Variants in IMPG2 observed in about 807,000 individuals in gnomAD.
IMPG2 encodes the protein interphotoreceptor matrix proteoglycan 2, also known as IPM 200.
A neutral mutation model predicts 129.2 loss-of-function variants in IMPG2; 91 were observed. That is an observed-to-expected ratio of 0.70 (90% confidence interval 0.59 to 0.84). IMPG2 has a LOEUF of 0.84. IMPG2 is among the 40% of genes least tolerant of loss of function. The pLI, the probability that IMPG2 is intolerant of heterozygous loss-of-function variation, is 0.00. For synonymous variants in IMPG2, 510 were observed against 517.7 expected, an observed-to-expected ratio of 0.99 and a Z score of 0.20; for missense variants, 1,430 against 1,461.7, an observed-to-expected ratio of 0.98 and a Z score of 0.35.
intron 2 of IMPG2, among the ~76,000 whole-genome samples, chr3:101,318,174 A>C (rs2058794796): frequency 1.4e-5 from 2 of 147,924 alleles, no homozygotes; most frequent in African/African-American, 4.9e-5. Context: ...TAATAATAAT[A>C]ATAATAATAA....
chr3:101,275,523 G>A (rs1576760124), intron 6 of IMPG2, 140 bp downstream of exon 6: 4 of 689,050 alleles, frequency 5.8e-6, no homozygotes, highest in Middle Eastern at 5.7e-4. Context: ...TGTTTTTAAT[G>A]TACTGGTTTT....
rs192068693 is a variant in IMPG2, at chr3:101,271,837, A to C, written c.828+1744T>G. On this transcript the variant is annotated intron_variant, in intron 7 of 18. Coordinates refer to ENST00000193391, the MANE Select transcript of IMPG2 (RefSeq NM_016247.4). ...CTGATTTTCATTTCTGTTCCTAGAG[A>C]GACTGAATGACAATGAACAAGTTAT... 1.4e-4 allele frequency among the ~76,000 whole-genome samples: 22 copies of C among 152,290 alleles called. 1 individual carries two copies. In the East Asian group the frequency reaches 4.3e-3, roughly 29 times the overall value.
At chr3:101,229,313 A>G in intron 17 of IMPG2, 67 bp downstream of exon 17, 1 of 401,344 alleles carries the variant, frequency 2.5e-6, no homozygotes, top group East Asian at 5.6e-5. Flanking sequence ...CCCACCCACC[A>G]CCCCCTGCTC....
rs570224864 is a variant in IMPG2 at position 101,296,660 on chromosome 3, T to A, written c.502-5150A>T. On this transcript the variant is annotated intron_variant, in intron 3 of 18. Coordinates refer to ENST00000193391, the MANE Select transcript of IMPG2 (RefSeq NM_016247.4). ...AATGGTACCAGCTCCTCTTTGTATC[T>A]CTGGTAGAATTCGGCTGTGAATCCA... Among the ~76,000 whole-genome samples the A allele has an allele frequency of 4.6e-5, 7 of 151,880 alleles. No individual in the cohort carries two copies. In the South Asian group the frequency reaches 1.0e-3, roughly 23 times the overall value.
intron 11 of IMPG2, among the ~76,000 whole-genome samples, chr3:101,249,697 C>A (rs1446386047): frequency 6.6e-6 from 1 of 151,624 alleles, no homozygotes; most frequent in Non-Finnish European, 1.5e-5. Flanking sequence ...AAGCCAGAGG[C>A]CATCATCAAA....
intron 11 of IMPG2, among the ~76,000 whole-genome samples, chr3:101,253,386 C>G (rs1407663726): frequency 2.6e-5 from 4 of 152,136 alleles, no homozygotes; most frequent in African/African-American, 9.7e-5. Context: ...CTGGGTAACT[C>G]TCAGAGAACA....
chr3:101,236,141 C>G (rs1706343660), intron 14 of IMPG2, among the ~76,000 whole-genome samples: 1 of 152,146 alleles, frequency 6.6e-6, no homozygotes, highest in South Asian at 2.1e-4. Flanking sequence ...TAGGTTAACA[C>G]CACAAGAGTC....
chr3:101,244,029 G>T lies in IMPG2; in HGVS notation c.2302C>A (p.Pro768Thr). 1 of 1,614,076 alleles carries T rather than the reference G, an allele frequency of 6.2e-7. No individual in the cohort carries two copies. The highest frequency in any genetic ancestry group is 8.5e-7 in the Non-Finnish European group (1 of 1,180,028). The change falls in exon 13 of 19, where the codon CCA becomes ACA. Residue 768 changes from proline to threonine, a missense_variant. Coordinates refer to ENST00000193391, the MANE Select transcript of IMPG2 (RefSeq NM_016247.4). Reference sequence around the variant, plus strand: ...ATAGTCCACAAAGTTTGCATATCTGGCTTTACCATTGAAACCTCACTGTCA... The same window carrying T: ...ATAGTCCACAAAGTTTGCATATCTGTCTTTACCATTGAAACCTCACTGTCA... ...WFDSEVSMVK[P>T]DMQTLWTILP...
intron 11 of IMPG2, among the ~76,000 whole-genome samples, chr3:101,246,813 A>G (rs1170250019): frequency 6.6e-6 from 1 of 152,222 alleles, no homozygotes; most frequent in Non-Finnish European, 1.5e-5. Context: ...ATGTAAATGT[A>G]CAATGATCAG....
rs66908707 is a variant in IMPG2 at position 101,226,225 on chromosome 3, T to TTATATATATA, written c.*734_*743dup. The stretch of plus-strand genomic sequence containing the variant: ...TAGATTAATGGGAATCTTCTAAACT[T>TTATATATATA]TATATATATATATATATATATATAT... On this transcript the variant is annotated 3_prime_UTR_variant, in exon 19 of 19. Coordinates refer to ENST00000193391, the MANE Select transcript of IMPG2 (RefSeq NM_016247.4). 55 of 102,850 alleles carry TTATATATATA rather than the reference T, an allele frequency of 5.3e-4. No individual in the cohort carries two copies. The highest frequency in any genetic ancestry group is 7.1e-4 in the East Asian group (2 of 2,804). 6.4% of individuals were successfully genotyped at this position (102,850 alleles called of 1,614,324 possible). A position where few individuals can be genotyped will look rare whatever the true frequency, so the allele number is the denominator to read the frequency against.
In IMPG2 at chr3:101,245,653, A is replaced by G. The variant is rs548115642; in HGVS notation, c.1543+149T>C. On this transcript the variant is annotated intron_variant, in intron 12 of 18. Coordinates refer to ENST00000193391, the MANE Select transcript of IMPG2 (RefSeq NM_016247.4). ...TCTCCATTCCAACAAATTAAATTTG[A>G]TTGTTTCCTCTCACACACAATTTTA... 72 of 768,680 alleles carry G rather than the reference A, an allele frequency of 9.4e-5. No individual in the cohort carries two copies. The Admixed American group carries it at 1.5e-3, about 16-fold the overall frequency. 47.6% of individuals were successfully genotyped at this position (768,680 alleles called of 1,614,324 possible).
chr3:101,283,744 AT>A (rs888367085), intron 4 of IMPG2, among the ~76,000 whole-genome samples: 29 of 152,180 alleles, frequency 1.9e-4, no homozygotes, highest in African/African-American at 6.5e-4. Flanking sequence ...GGAAGTTTGG[AT>A]TTGCAAAAAC....
At chr3:101,252,226 T>C (rs532572006) in intron 11 of IMPG2, among the ~76,000 whole-genome samples, 26 of 152,274 alleles carry the variant, frequency 1.7e-4, no homozygotes, top group African/African-American at 6.3e-4. Context: ...CATTTTTATG[T>C]AAAAATCTCC....
chr3:101,231,522 C>T (rs558993226), intron 15 of IMPG2, among the ~76,000 whole-genome samples: 36 of 152,362 alleles, frequency 2.4e-4, no homozygotes, highest in African/African-American at 7.9e-4. Context: ...GGCCTCCAGA[C>T]GCCCCATGTC....
Position 101,244,635 on chromosome 3 carries a change from G to T in IMPG2, c.1696C>A (p.Pro566Thr), listed in dbSNP as rs765267617. The T allele has an allele frequency of 1.9e-6, 3 of 1,612,490 alleles. No homozygotes were observed. The highest frequency in any genetic ancestry group is 1.1e-5 in the South Asian group (1 of 90,662). Residue 566 changes from proline to threonine, a missense_variant, in exon 13 of 19, where the codon CCT becomes ACT. Coordinates refer to ENST00000193391, the MANE Select transcript of IMPG2 (RefSeq NM_016247.4). ...TSSPYLTSSI[P>T]FGLDSLTSKV... ...GAGGTCAAGGAGTCCAAGCCAAAAG[G>T]TATAGAAGAGGTCAGATATGGTGAA...
chr3:101,242,035 GAAA>G (rs1207523516), intron 14 of IMPG2, among the ~76,000 whole-genome samples: 1 of 130,030 alleles, frequency 7.7e-6, no homozygotes, highest in African/African-American at 2.8e-5. Context: ...ATCTCAAAAA[GAAA>G]AAAAAAAAAA....
rs894696934 is a variant in IMPG2, at chr3:101,296,279, G to A, written c.502-4769C>T. Among the ~76,000 whole-genome samples the A allele has an allele frequency of 3.1e-4, 47 of 152,294 alleles. 1 individual carries two copies. The highest frequency in any genetic ancestry group is 1.0e-3 in the African/African-American group (42 of 41,570). On this transcript the variant is annotated intron_variant, in intron 3 of 18. Coordinates refer to ENST00000193391, the MANE Select transcript of IMPG2 (RefSeq NM_016247.4). ...TTGAGAGTTTTTAGCAGGAAGGGCCGTTGAATTTTGTCGAAGGCCTTTTCT... is the reference window on the plus strand; with the variant it reads ...TTGAGAGTTTTTAGCAGGAAGGGCCATTGAATTTTGTCGAAGGCCTTTTCT...
At chr3:101,302,408 T>C (rs1410661387) in intron 3 of IMPG2, among the ~76,000 whole-genome samples, 3 of 152,210 alleles carry the variant, frequency 2.0e-5, no homozygotes, top group East Asian at 3.8e-4. Flanking sequence ...TGTATGTCTA[T>C]ATATTTTCCA....
intron 2 of IMPG2, among the ~76,000 whole-genome samples, chr3:101,308,518 T>C (rs879816148): frequency 7.9e-5 from 12 of 152,390 alleles, no homozygotes; most frequent in Non-Finnish European, 1.2e-4. Context: ...TTGAGCATTA[T>C]GTTGGCCCCT....
Sources: allele counts gnomAD v4.1 joint callset (sites outside exome capture counted in the v4.1 genomes callset), GRCh38; gene constraint gnomAD v4.1.1; transcripts MANE v1.5; gene names NCBI Gene and HGNC (gene_info 2026-07-23, HGNC 2026-07-21).